The following GRM3 variants were observed in gnomAD, a reference collection of about 807,000 sequenced individuals.
GRM3 encodes the protein glutamate metabotropic receptor 3.
Under a neutral mutation model 70.5 loss-of-function variants are expected in GRM3, and 26 were observed. The ratio of observed to expected loss-of-function variants is 0.37; its 90% CI spans 0.27 to 0.51. The LOEUF (loss-of-function observed/expected upper bound fraction) is 0.51. GRM3 is among the 20% of genes least tolerant of loss of function. The pLI is 0.93. For missense variants in GRM3, 859 were observed against 1,123.8 expected, an observed-to-expected ratio of 0.76 and a Z score of 3.37; for synonymous variants, 443 against 434.9, an observed-to-expected ratio of 1.02 and a Z score of -0.23.
intron 1 of GRM3, among the ~76,000 whole-genome samples, chr7:86,649,678 C>T (rs753523563): frequency 2.0e-5 from 3 of 151,632 alleles, no homozygotes; most frequent in Non-Finnish European, 4.4e-5. Flanking sequence ...ATGCTAGATA[C>T]ATAGTTTGAA....
chr7:86,849,532 CT>C (rs1798719730), intron 4 of GRM3, among the ~76,000 whole-genome samples: 3 of 152,124 alleles, frequency 2.0e-5, no homozygotes, highest in African/African-American at 7.2e-5. Flanking sequence ...AGGTCAGAGA[CT>C]TTACAGAAAT....
At position 86,861,127 on chromosome 7, in the gene GRM3, G is replaced by A. The variant is rs577598034; in HGVS notation, c.2567-3155G>A. Reference sequence around the variant, plus strand: ...GCTCACAACCTGAGTCAGTTCTCTTGGCAAGGGTAGTTGATGGTCATTGTC... The same window carrying A: ...GCTCACAACCTGAGTCAGTTCTCTTAGCAAGGGTAGTTGATGGTCATTGTC... On this transcript the variant is annotated intron_variant, in intron 5 of 5. Coordinates refer to ENST00000361669, the MANE Select transcript of GRM3 (RefSeq NM_000840.3). Among the ~76,000 whole-genome samples, 15 of 152,300 alleles carry A rather than the reference G, an allele frequency of 9.8e-5. No homozygotes were observed. In the South Asian group the frequency reaches 3.1e-3, roughly 32 times the overall value.
intron 1 of GRM3, among the ~76,000 whole-genome samples, chr7:86,722,304 T>TA (rs1795485552): frequency 6.6e-6 from 1 of 152,100 alleles, no homozygotes; most frequent in African/African-American, 2.4e-5. Flanking sequence ...CATGCACACA[T>TA]ATGTTTATTG....
At chr7:86,699,460 T>C (rs1794901601) in intron 1 of GRM3, among the ~76,000 whole-genome samples, 1 of 152,008 alleles carries the variant, frequency 6.6e-6, no homozygotes, top group Admixed American at 6.6e-5. Context: ...GTATTTCCCA[T>C]TGATGGACAA....
At chr7:86,749,798 T>A (rs1172380653) in intron 1 of GRM3, among the ~76,000 whole-genome samples, 1 of 152,072 alleles carries the variant, frequency 6.6e-6, no homozygotes, top group African/African-American at 2.4e-5. Flanking sequence ...TTGTCACATC[T>A]TCCTTACTGC....
At chr7:86,762,380 A>G (rs1796500402) in intron 1 of GRM3, among the ~76,000 whole-genome samples, 1 of 152,140 alleles carries the variant, frequency 6.6e-6, no homozygotes, top group Non-Finnish European at 1.5e-5. Flanking sequence ...TCTGTGGCTC[A>G]GGAAAACAGC....
At chr7:86,816,113 T>G (rs1312795514) in intron 3 of GRM3, among the ~76,000 whole-genome samples, 1 of 151,812 alleles carries the variant, frequency 6.6e-6, no homozygotes, top group Non-Finnish European at 1.5e-5. Flanking sequence ...ATGGAGAAGG[T>G]GGCCTCTGAA....
At position 86,700,851 on chromosome 7, in the gene GRM3, G is replaced by C. The variant is rs897183408; in HGVS notation, c.-141+55979G>C. Reference sequence around the variant, plus strand: ...TGATAAATACTAATGTTCTGAGATAGACTTATAAGCATTCAACTTACGTTA... The same window carrying C: ...TGATAAATACTAATGTTCTGAGATACACTTATAAGCATTCAACTTACGTTA... On this transcript the variant is annotated intron_variant, in intron 1 of 5. Transcript: ENST00000361669. Among the ~76,000 whole-genome samples, 3 of 151,852 alleles carry C rather than the reference G, an allele frequency of 2.0e-5. No individual in the cohort carries two copies. The East Asian group carries it at 5.8e-4, about 29-fold the overall frequency.
At chr7:86,749,906 A>G (rs963512491) in intron 1 of GRM3, among the ~76,000 whole-genome samples, 2 of 152,054 alleles carry the variant, frequency 1.3e-5, no homozygotes, top group African/African-American at 4.8e-5. Context: ...AGATAATTCT[A>G]TTCCACTACT....
chr7:86,850,842 G>A (rs552014171), intron 5 of GRM3, among the ~76,000 whole-genome samples: 11 of 152,168 alleles, frequency 7.2e-5, no homozygotes, highest in Admixed American at 2.0e-4. Context: ...CTGGTCTCTC[G>A]TCCTGTTCTG....
rs376914319 is a variant in GRM3 at position 86,828,230 on chromosome 7, T to C, written c.1325-10609T>C. ...AAAAGGTGCTCAATATTATTAGGCA[T>C]TGGGGAATGCAAATTAACTACCAAA... On this transcript the variant is annotated intron_variant, in intron 3 of 5. Transcript: ENST00000361669. 3.7e-4 allele frequency among the ~76,000 whole-genome samples: 56 copies of C among 151,648 alleles called. 1 individual carries two copies. The South Asian group carries it at 0.012, about 32-fold the overall frequency.
At chr7:86,699,354 T>G (rs1249667416) in intron 1 of GRM3, among the ~76,000 whole-genome samples, 1 of 152,050 alleles carries the variant, frequency 6.6e-6, no homozygotes, top group Admixed American at 6.6e-5. Context: ...AGAATCTGGA[T>G]GGTTCCTGCA....
rs59930404 is a variant in GRM3, at chr7:86,746,341, TTATATATATATA to T, written c.-140-18642_-140-18631del. 6.9e-5 allele frequency among the ~76,000 whole-genome samples: 6 copies of T among 87,486 alleles called. 1 individual carries two copies. The highest frequency in any genetic ancestry group is 4.3e-4 in the South Asian group (1 of 2,338). 57.4% of individuals were successfully genotyped at this position (87,486 alleles called of 152,430 possible). Reference sequence around the variant, plus strand: ...TGACTAATAGAGGGTCAGTCATGTATTATATATATATATATATATATATATATATATATAATC... The same window carrying T: ...TGACTAATAGAGGGTCAGTCATGTATTATATATATATATATATATATAATC... On this transcript the variant is annotated intron_variant, in intron 1 of 5. Coordinates refer to ENST00000361669, the MANE Select transcript of GRM3 (RefSeq NM_000840.3).
intron 3 of GRM3, among the ~76,000 whole-genome samples, chr7:86,818,118 A>G (rs2116676661): frequency 6.6e-6 from 1 of 152,102 alleles, no homozygotes; most frequent in Admixed American, 6.6e-5. Flanking sequence ...AAATCCTCAC[A>G]TCACACTGCG....
rs1297230892 is a variant in GRM3, at chr7:86,765,536, T to A, written c.391T>A (p.Ser131Thr). ...DEAEYMCPDG[S>T]YAIQENIPLL... ...AGCTGAGTATATGTGTCCTGATGGA[T>A]CCTATGCCATTCAAGAAAACATCCC... is the stretch of plus-strand genomic sequence containing the variant. Residue 131 changes from serine to threonine, a missense_variant, in exon 2 of 6, where the codon TCC (serine) becomes ACC (threonine). Transcript: ENST00000361669. 1.9e-6 allele frequency: 3 copies of A among 1,613,776 alleles called. No homozygotes were observed. The highest frequency in any genetic ancestry group is 2.5e-6 in the Non-Finnish European group (3 of 1,179,754).
Position 86,839,770 on chromosome 7 carries a change from T to C in GRM3, c.2256T>C (p.Thr752=), listed in dbSNP as rs771234738. The C allele has an allele frequency of 1.2e-5, 20 of 1,613,966 alleles. No individual in the cohort carries two copies. The highest frequency in any genetic ancestry group is 1.6e-5 in the Non-Finnish European group (19 of 1,179,932). Residue 752 remains threonine (T), a synonymous_variant, in exon 4 of 6, where the codon ACT becomes ACC. Transcript: ENST00000361669. This position sits in a 1 kb window ranked among gnomAD's most constrained non-coding sequence, Gnocchi z 4.5. ...TYDVILVILC[T]VYAFKTRKCP... is the part of the protein sequence containing the mutation. ...ATGTGATCCTGGTGATCTTATGCACTGTGTACGCCTTCAAAACGCGGAAGT... is the reference window on the plus strand; with the variant it reads ...ATGTGATCCTGGTGATCTTATGCACCGTGTACGCCTTCAAAACGCGGAAGT...
intron 3 of GRM3, among the ~76,000 whole-genome samples, chr7:86,814,325 C>T (rs1046977660): frequency 6.6e-6 from 1 of 151,274 alleles, no homozygotes; most frequent in Non-Finnish European, 1.5e-5. Flanking sequence ...GTACACCCAA[C>T]ACTCCAGCAG....
chr7:86,684,397 T>C (rs1483012979), intron 1 of GRM3, among the ~76,000 whole-genome samples: 2 of 152,228 alleles, frequency 1.3e-5, no homozygotes, highest in African/African-American at 4.8e-5. Flanking sequence ...TATTCAATGA[T>C]ATTTTTCTTT....
At chr7:86,807,451 G>C (rs1797819380) in intron 3 of GRM3, among the ~76,000 whole-genome samples, 1 of 149,738 alleles carries the variant, frequency 6.7e-6, no homozygotes, top group Non-Finnish European at 1.5e-5. Context: ...TCGTTGAAGA[G>C]GTCCTTCACA....
Sources: allele counts gnomAD v4.1 joint callset (sites outside exome capture counted in the v4.1 genomes callset), GRCh38; gene constraint gnomAD v4.1.1; non-coding constraint Gnocchi (gnomAD v3.1); transcripts MANE v1.5; gene names NCBI Gene and HGNC (gene_info 2026-07-23, HGNC 2026-07-21).